Variants in PPFIA2 observed in about 807,000 individuals in gnomAD.
The protein encoded by PPFIA2 is PPFI scaffold protein A2, also known as liprin-alpha-2.
In PPFIA2, 46 loss-of-function variants were observed where a neutral mutation model predicts 175.5. The ratio of observed to expected loss-of-function variants is 0.26; its 90% CI spans 0.21 to 0.34. PPFIA2 has a LOEUF of 0.34. Among genes scored for constraint, PPFIA2 ranks in the 10% least tolerant of loss-of-function variants. The pLI, the probability that PPFIA2 is intolerant of heterozygous loss-of-function variation, is 1.00. For synonymous variants in PPFIA2, 568 were observed against 511.4 expected (o/e 1.11, Z -1.49); for missense variants, 1,179 against 1,506.1 (o/e 0.78, Z 3.60).
intron 11 of PPFIA2, among the ~76,000 whole-genome samples, chr12:81,371,508 A>C (rs938084999): frequency 6.6e-6 from 1 of 151,684 alleles, no homozygotes; most frequent in Non-Finnish European, 1.5e-5. Flanking sequence ...AAGTTTTTAG[A>C]GGTCTTTAAA....
intron 4 of PPFIA2, among the ~76,000 whole-genome samples, chr12:81,510,121 C>T (rs548791747): frequency 6.6e-6 from 1 of 152,048 alleles, no homozygotes; most frequent in East Asian, 1.9e-4. Context: ...TAATATTTTC[C>T]AAACAGCTAT....
chr12:81,366,083 T>C (rs2033308170), intron 14 of PPFIA2, among the ~76,000 whole-genome samples: 2 of 142,910 alleles, frequency 1.4e-5, no homozygotes, highest in African/African-American at 5.2e-5. Context: ...CCTTCTTTCT[T>C]CCCCCTCTCC....
chr12:81,718,312 T>C (rs934306520), intron 3 of PPFIA2, among the ~76,000 whole-genome samples: 2 of 151,478 alleles, frequency 1.3e-5, no homozygotes, highest in Non-Finnish European at 3.0e-5. Context: ...TGAGTCCCAG[T>C]CATTCAGTTA....
intron 4 of PPFIA2, among the ~76,000 whole-genome samples, chr12:81,652,242 T>C (rs1159737020): frequency 6.8e-6 from 1 of 148,098 alleles, no homozygotes. Flanking sequence ...TCATACTAGA[T>C]AAACTGGCTG....
chr12:81,572,865 G>T (rs1052361710), intron 4 of PPFIA2, among the ~76,000 whole-genome samples: 2 of 151,946 alleles, frequency 1.3e-5, no homozygotes, highest in Admixed American at 6.6e-5. Context: ...CGCATACAAA[G>T]ACTAATGGAA....
intron 15 of PPFIA2, among the ~76,000 whole-genome samples, chr12:81,358,952 C>A (rs1422781432): frequency 6.6e-6 from 1 of 151,976 alleles, no homozygotes; most frequent in Non-Finnish European, 1.5e-5. Context: ...AGTATCATTA[C>A]ACTAGTTTTC....
chr12:81,585,588 C>T (rs529441385), intron 4 of PPFIA2, among the ~76,000 whole-genome samples: 160 of 151,900 alleles, frequency 1.1e-3, no homozygotes, highest in African/African-American at 3.4e-3. Flanking sequence ...ATCATCACCA[C>T]CATTGTCGTC....
At chr12:81,611,737 G>A (rs934701326) in intron 4 of PPFIA2, among the ~76,000 whole-genome samples, 1 of 152,142 alleles carries the variant, frequency 6.6e-6, no homozygotes, top group Admixed American at 6.5e-5. Flanking sequence ...GGGCCCAAGT[G>A]ATGGGCGTTT....
At chr12:81,707,437 G>A (rs1374939766) in intron 3 of PPFIA2, among the ~76,000 whole-genome samples, 1 of 152,114 alleles carries the variant, frequency 6.6e-6, no homozygotes, top group Non-Finnish European at 1.5e-5. Context: ...ACCATCACTG[G>A]CCATCAGAGC....
intron 4 of PPFIA2, among the ~76,000 whole-genome samples, chr12:81,539,862 G>A (rs2065941022): frequency 6.6e-6 from 1 of 151,850 alleles, no homozygotes; most frequent in South Asian, 2.1e-4. Flanking sequence ...ATTTTCCATT[G>A]CTGTTAGGTG....
intron 4 of PPFIA2, among the ~76,000 whole-genome samples, chr12:81,530,797 C>T (rs1404622762): frequency 6.6e-6 from 1 of 150,888 alleles, no homozygotes; most frequent in Non-Finnish European, 1.5e-5. Context: ...AAAAAGAAAT[C>T]TCTACATATT....
At chr12:81,441,687 G>A (rs2050202562) in intron 6 of PPFIA2, among the ~76,000 whole-genome samples, 1 of 152,096 alleles carries the variant, frequency 6.6e-6, no homozygotes, top group African/African-American at 2.4e-5. Flanking sequence ...AAATGAGCAG[G>A]ACAGCTGATG....
At chr12:81,550,114 G>C (rs904544306) in intron 4 of PPFIA2, among the ~76,000 whole-genome samples, 1 of 152,040 alleles carries the variant, frequency 6.6e-6, no homozygotes, top group African/African-American at 2.4e-5. Flanking sequence ...AGGCACTAGA[G>C]ACTTAGAGTA....
intron 4 of PPFIA2, among the ~76,000 whole-genome samples, chr12:81,458,332 G>A (rs1173859773): frequency 8.1e-6 from 1 of 123,146 alleles, no homozygotes; most frequent in Non-Finnish European, 1.6e-5. Flanking sequence ...TGAAGCAGAG[G>A]AATCTACCTT....
intron 22 of PPFIA2, among the ~76,000 whole-genome samples, chr12:81,308,941 A>C (rs1458705886): frequency 1.3e-5 from 2 of 152,194 alleles, no homozygotes; most frequent in African/African-American, 4.8e-5. Flanking sequence ...CTGATTTACT[A>C]TGGCACATAA....
intron 30 of PPFIA2, among the ~76,000 whole-genome samples, chr12:81,263,981 G>A (rs971856415): frequency 6.6e-6 from 1 of 152,186 alleles, no homozygotes; most frequent in Non-Finnish European, 1.5e-5. Flanking sequence ...AAAAATCTGT[G>A]TAGCCTGGAC....
intron 8 of PPFIA2, among the ~76,000 whole-genome samples, chr12:81,403,119 A>G (rs1018052829): frequency 6.6e-6 from 1 of 152,324 alleles, no homozygotes; most frequent in Non-Finnish European, 1.5e-5. Context: ...TGAAAAAAGC[A>G]AATGAATACC....
At position 81,299,315 on chromosome 12, in the gene PPFIA2, C is replaced by T; in HGVS notation, c.2710G>A (p.Val904Ile). 1 of 1,595,154 alleles carries T rather than the reference C, an allele frequency of 6.3e-7. No individual in the cohort carries two copies. Residue 904 changes from valine (V) to isoleucine (I), a missense_variant, in exon 23 of 33, where the codon GTC (valine) becomes ATC (isoleucine). By Grantham distance (29) the Val-to-Ile change is conservative. This residue lies in a region of PPFIA2 where 44 missense variants were observed against 81.3 expected (regional missense o/e 0.54). Transcript: ENST00000549396. ...PFAQWDGPTV[V>I]AWLELWLGMP... ...CATTCTCTTACCTCTAGCCATGCGA[C>T]CACAGTTGGCCCATCCCACTGGGCA...
chr12:81,575,549 A>T (rs989422922), intron 4 of PPFIA2, among the ~76,000 whole-genome samples: 1 of 151,902 alleles, frequency 6.6e-6, no homozygotes, highest in African/African-American at 2.4e-5. Context: ...CATCGGTGAT[A>T]TAAAGGTGAA....
Sources: allele counts gnomAD v4.1 joint callset (sites outside exome capture counted in the v4.1 genomes callset), GRCh38; gene constraint gnomAD v4.1.1; regional missense constraint gnomAD v4.1.1; transcripts MANE v1.5; gene names NCBI Gene and HGNC (gene_info 2026-07-23, HGNC 2026-07-21).